The following NDUFS4 variants were observed in gnomAD, a reference collection of about 807,000 sequenced individuals.
NDUFS4 encodes NADH:ubiquinone oxidoreductase subunit S4, also known as NADH dehydrogenase [ubiquinone] iron-sulfur protein 4, mitochondrial.
NDUFS4 carries 28 observed loss-of-function variants against 24.3 expected under a neutral mutation model. The observed-to-expected ratio is 1.15, with a 90% confidence interval of 0.85 to 1.58. The LOEUF is 1.58. Among genes scored for constraint, NDUFS4 ranks in the 40% most tolerant of loss-of-function variants. The probability of loss-of-function intolerance (pLI) is 0.00; values close to 1 mark genes in which losing one functional copy is unlikely to be tolerated. For synonymous variants in NDUFS4, 93 were observed against 69.7 expected (o/e 1.34, Z -1.67); for missense variants, 223 against 207.9 (o/e 1.07, Z -0.45).
At chr5:53,663,117 T>A (rs1000007941) in intron 4 of NDUFS4, among the ~76,000 whole-genome samples, 1 of 152,198 alleles carries the variant, frequency 6.6e-6, no homozygotes, top group Non-Finnish European at 1.5e-5. Flanking sequence ...TCAGTTTCCA[T>A]GTAGTTGAGC....
At chr5:53,621,186 T>C (rs545017613) in intron 2 of NDUFS4, among the ~76,000 whole-genome samples, 3 of 152,342 alleles carry the variant, frequency 2.0e-5, no homozygotes, top group Non-Finnish European at 4.4e-5. Flanking sequence ...TTTATTCTTA[T>C]GTGATGTCCC....
chr5:53,671,701 T>TG (rs1172953055), intron 4 of NDUFS4, among the ~76,000 whole-genome samples: 1 of 152,026 alleles, frequency 6.6e-6, no homozygotes, highest in Non-Finnish European at 1.5e-5. Context: ...GGTAGAAGGA[T>TG]GGGGGGTGGA....
intron 3 of NDUFS4, among the ~76,000 whole-genome samples, chr5:53,658,019 A>G (rs1006102120): frequency 1.3e-5 from 2 of 152,128 alleles, no homozygotes; most frequent in Non-Finnish European, 2.9e-5. Context: ...ACTGTCCTAC[A>G]TTGAAGAATT....
At position 53,683,178 on chromosome 5, in the gene NDUFS4, C is replaced by CAA; in HGVS notation, c.487_488dup (p.Asn163LysfsTer27). The stretch of plus-strand genomic sequence containing the variant: ...AAACCCAAGTCCAAGTCTTATGGTG[C>CAA]AAACTTTTCTTGGAACAAAAGAACA... On this transcript the variant is annotated frameshift_variant, in exon 5 of 5. Transcript: ENST00000296684. LOFTEE classifies it high-confidence loss of function. The CAA allele has an allele frequency of 6.2e-7, 1 of 1,612,432 alleles. No individual in the cohort carries two copies. Among genetic ancestry groups the CAA allele is most frequent in the Non-Finnish European group, 8.5e-7 (1 of 1,178,818 alleles).
Position 53,658,784 on chromosome 5 carries a change from C to CAA in NDUFS4, c.424+179_424+180dup, listed in dbSNP as rs35754713. The CAA allele has an allele frequency of 0.22, 30,503 of 137,340 alleles. 3,898 individuals are homozygous for CAA. The highest frequency in any genetic ancestry group is 0.35 in the African/African-American group (9,841 of 28,470). 8.5% of individuals were successfully genotyped at this position (137,340 alleles called of 1,614,324 possible). A position where few individuals can be genotyped will look rare whatever the true frequency, so the allele number is the denominator to read the frequency against. On this transcript the variant is annotated intron_variant, in intron 4 of 4. Transcript: ENST00000296684. ...TTAACTACATCAGAACACCCACCTC[C>CAA]AAAAAAAAAAAAAAAAAAAACCTAA...
At chr5:53,634,247 C>G (rs1392056558) in intron 2 of NDUFS4, among the ~76,000 whole-genome samples, 1 of 152,102 alleles carries the variant, frequency 6.6e-6, no homozygotes, top group Non-Finnish European at 1.5e-5. Flanking sequence ...ACATCATTGC[C>G]TCATGAATAT....
intron 3 of NDUFS4, among the ~76,000 whole-genome samples, chr5:53,649,021 A>G (rs1388953262): frequency 2.0e-5 from 3 of 152,132 alleles, no homozygotes; most frequent in Non-Finnish European, 2.9e-5. Flanking sequence ...GTTCTAGACA[A>G]TTGATTATGG....
intron 2 of NDUFS4, among the ~76,000 whole-genome samples, chr5:53,624,007 A>T (rs910484484): frequency 5.9e-5 from 9 of 152,022 alleles, no homozygotes; most frequent in Non-Finnish European, 1.2e-4. Flanking sequence ...ATGAGCCACC[A>T]CGCCCGGCCC....
chr5:53,631,857 C>T (rs999178522), intron 2 of NDUFS4, among the ~76,000 whole-genome samples: 1 of 152,178 alleles, frequency 6.6e-6, no homozygotes, highest in African/African-American at 2.4e-5. Context: ...ATGGGAATCT[C>T]CTGGACTGCC....
intron 2 of NDUFS4, among the ~76,000 whole-genome samples, chr5:53,631,140 C>T (rs1371608236): frequency 6.6e-6 from 1 of 152,194 alleles, no homozygotes; most frequent in African/African-American, 2.4e-5. Flanking sequence ...AGTCAGGCCT[C>T]TCAGCTGCAG....
chr5:53,680,545 G>C (rs1736725889), intron 4 of NDUFS4, among the ~76,000 whole-genome samples: 1 of 152,148 alleles, frequency 6.6e-6, no homozygotes, highest in Admixed American at 6.6e-5. Context: ...GTGCTTTGTA[G>C]GGACATGGAT....
intron 1 of NDUFS4, among the ~76,000 whole-genome samples, chr5:53,562,004 C>T (rs1748864184): frequency 6.6e-6 from 1 of 151,332 alleles, no homozygotes; most frequent in Admixed American, 6.6e-5. Flanking sequence ...TTTCCTTTTT[C>T]TTTCTCTTTT....
chr5:53,582,028 G>A (rs1202093551), intron 1 of NDUFS4, among the ~76,000 whole-genome samples: 1 of 151,946 alleles, frequency 6.6e-6, no homozygotes, highest in African/African-American at 2.4e-5. Context: ...TGGCTAACAC[G>A]GTGAAACCCT....
chr5:53,675,618 TTAA>T, intron 4 of NDUFS4, among the ~76,000 whole-genome samples: 1 of 152,322 alleles, frequency 6.6e-6, no homozygotes, highest in Non-Finnish European at 1.5e-5. Flanking sequence ...CAGCCATGAA[TTAA>T]TAATACAAAA....
At chr5:53,653,191 A>T (rs369299233) in intron 3 of NDUFS4, among the ~76,000 whole-genome samples, 1 of 152,150 alleles carries the variant, frequency 6.6e-6, no homozygotes, top group Non-Finnish European at 1.5e-5. Context: ...TGAATCTGTC[A>T]TTCAGCTTCT....
chr5:53,589,404 C>A (rs1033117892), intron 1 of NDUFS4, among the ~76,000 whole-genome samples: 9 of 152,170 alleles, frequency 5.9e-5, no homozygotes, highest in Admixed American at 3.9e-4. Context: ...CTCCGTGTAT[C>A]CTCACTTGGG....
intron 1 of NDUFS4, among the ~76,000 whole-genome samples, chr5:53,566,305 A>G (rs1483717126): frequency 6.6e-6 from 1 of 152,220 alleles, no homozygotes; most frequent in Non-Finnish European, 1.5e-5. Context: ...TCTGTACTGA[A>G]TACAAACAAT....
At chr5:53,571,177 CAA>C (rs1426366686) in intron 1 of NDUFS4, among the ~76,000 whole-genome samples, 3 of 152,170 alleles carry the variant, frequency 2.0e-5, no homozygotes, top group Non-Finnish European at 2.9e-5. Context: ...TTCCATCACT[CAA>C]ACTCTGTACC....
At chr5:53,653,261 CAT>C (rs1240941209) in intron 3 of NDUFS4, among the ~76,000 whole-genome samples, 10 of 152,296 alleles carry the variant, frequency 6.6e-5, no homozygotes, top group South Asian at 2.1e-4. Context: ...TTTAAGCAGA[CAT>C]GTGCACAAAC....
Sources: allele counts gnomAD v4.1 joint callset (sites outside exome capture counted in the v4.1 genomes callset), GRCh38; gene constraint gnomAD v4.1.1; transcripts MANE v1.5; gene names NCBI Gene and HGNC (gene_info 2026-07-23, HGNC 2026-07-21).